Variants in EIF4G3 observed in about 807,000 individuals in gnomAD.
EIF4G3 encodes eIF-4-gamma 3.
Under a neutral mutation model 186.4 loss-of-function variants are expected in EIF4G3, and 34 were observed. That is an observed-to-expected ratio of 0.18 (90% CI 0.14 to 0.24). EIF4G3 has a LOEUF of 0.24. EIF4G3 is among the 10% of genes least tolerant of loss of function. The pLI is 1.00. For synonymous variants in EIF4G3, 673 were observed against 679.5 expected, an observed-to-expected ratio of 0.99 and a Z score of 0.15; for missense variants, 1,536 against 1,948.5, an observed-to-expected ratio of 0.79 and a Z score of 3.99.
intron 2 of EIF4G3, among the ~76,000 whole-genome samples, chr1:21,155,251 A>C (rs1573469541): frequency 8.0e-6 from 1 of 124,930 alleles, no homozygotes; most frequent in Middle Eastern, 4.3e-3. Context: ...AGACAGTGCG[A>C]GACTCTGTCT....
At chr1:21,062,044 G>A (rs1429830768) in intron 3 of EIF4G3, among the ~76,000 whole-genome samples, 1 of 151,802 alleles carries the variant, frequency 6.6e-6, no homozygotes, top group African/African-American at 2.4e-5. Flanking sequence ...ACCGCACCCA[G>A]TCTCTCTGCT....
chr1:20,963,487 A>G (rs2073907114), intron 12 of EIF4G3, among the ~76,000 whole-genome samples: 1 of 152,084 alleles, frequency 6.6e-6, no homozygotes, highest in Non-Finnish European at 1.5e-5. Flanking sequence ...ATGGTAGGAG[A>G]GATTGTATCT....
At chr1:21,088,022 G>C (rs2096055435) in intron 3 of EIF4G3, among the ~76,000 whole-genome samples, 1 of 152,080 alleles carries the variant, frequency 6.6e-6, no homozygotes, top group South Asian at 2.1e-4. Context: ...CTTGAGGCCA[G>C]GAGTTCAAGG....
chr1:21,101,573 A>AAAAAAAAAAACAAC (rs1300347804), intron 2 of EIF4G3, among the ~76,000 whole-genome samples: 1 of 140,188 alleles, frequency 7.1e-6, no homozygotes, highest in African/African-American at 2.6e-5. Flanking sequence ...AAAAAAAAAA[A>AAAAAAAAAAACAAC]AACAACAAAA....
intron 4 of EIF4G3, among the ~76,000 whole-genome samples, chr1:21,015,084 A>C (rs2088526307): frequency 6.6e-6 from 1 of 150,422 alleles, no homozygotes; most frequent in Non-Finnish European, 1.5e-5. Flanking sequence ...AAAAAAAAGG[A>C]GGGGGGGAAG....
intron 19 of EIF4G3, among the ~76,000 whole-genome samples, chr1:20,885,048 T>C (rs1323044601): frequency 6.6e-6 from 1 of 152,160 alleles, no homozygotes; most frequent in Non-Finnish European, 1.5e-5. Flanking sequence ...CAGTTCACAA[T>C]AGGGTTCCAC....
intron 7 of EIF4G3, 134 bp downstream of exon 7, chr1:20,997,467 A>G (rs1398287874): frequency 2.3e-6 from 2 of 879,802 alleles, no homozygotes; most frequent in East Asian, 2.6e-5. Flanking sequence ...AAGCTGAATT[A>G]TATCAGATAA....
intron 28 of EIF4G3, among the ~76,000 whole-genome samples, chr1:20,850,310 T>C (rs1034278609): frequency 5.9e-5 from 9 of 152,214 alleles, no homozygotes; most frequent in African/African-American, 2.2e-4. Flanking sequence ...AGATATTTTA[T>C]GTCCTATCCT....
chr1:20,863,767 AAGAGAGAG>A (rs10562823), intron 22 of EIF4G3, among the ~76,000 whole-genome samples: 1 of 148,880 alleles, frequency 6.7e-6, no homozygotes, highest in East Asian at 2.0e-4. Context: ...AAAAAAAAAA[AAGAGAGAG>A]AGAGAGAGGT....
intron 7 of EIF4G3, among the ~76,000 whole-genome samples, chr1:20,990,610 G>A (rs376164678): frequency 2.6e-5 from 4 of 151,520 alleles, no homozygotes; most frequent in African/African-American, 7.3e-5. Flanking sequence ...CAGAGGCTGC[G>A]GTGAGCTGAG....
At chr1:20,902,127 G>A (rs1291427002) in intron 15 of EIF4G3, among the ~76,000 whole-genome samples, 2 of 150,684 alleles carry the variant, frequency 1.3e-5, no homozygotes, top group Non-Finnish European at 3.0e-5. Flanking sequence ...TCAGTGGCGC[G>A]ATCTCGGCTC....
In EIF4G3 at chr1:20,999,948, A is replaced by C. The variant is rs2083138341; in HGVS notation, c.144+1251T>G. On this transcript the variant is annotated intron_variant, in intron 6 of 36. Coordinates refer to ENST00000602326, the MANE Select transcript of EIF4G3 (RefSeq NM_001391906.1). The stretch of plus-strand genomic sequence containing the variant: ...GATCCAGTGTTAATGCCACCCACCC[A>C]CTTACTCACCCCTTCTGGGCACAGT... Among the ~76,000 whole-genome samples, 3 of 152,064 alleles carry C rather than the reference A, an allele frequency of 2.0e-5. No homozygotes were observed. In the South Asian group the frequency reaches 6.2e-4, roughly 32 times the overall value.
At chr1:21,100,358 G>A (rs1350521667) in intron 2 of EIF4G3, among the ~76,000 whole-genome samples, 1 of 152,124 alleles carries the variant, frequency 6.6e-6, no homozygotes, top group Non-Finnish European at 1.5e-5. Flanking sequence ...TTAATTGGCT[G>A]AATTTTATGG....
At chr1:21,146,877 A>ATAC (rs1297901044) in intron 2 of EIF4G3, among the ~76,000 whole-genome samples, 1 of 152,230 alleles carries the variant, frequency 6.6e-6, no homozygotes, top group Non-Finnish European at 1.5e-5. Flanking sequence ...AGTCTATAAA[A>ATAC]TACTACTAGT....
intron 11 of EIF4G3, among the ~76,000 whole-genome samples, chr1:20,971,267 C>G (rs995213067): frequency 1.3e-5 from 2 of 152,190 alleles, no homozygotes; most frequent in Non-Finnish European, 2.9e-5. Flanking sequence ...ACTAATGAAA[C>G]TACCTGGATC....
intron 4 of EIF4G3, among the ~76,000 whole-genome samples, chr1:21,049,517 T>C (rs1420556505): frequency 6.6e-6 from 1 of 152,206 alleles, no homozygotes; most frequent in African/African-American, 2.4e-5. Context: ...CTCCAAATTA[T>C]ATAGGAATGA....
In EIF4G3 at chr1:21,176,270, T is replaced by G. The variant is rs749796228; in HGVS notation, c.-367A>C. The G allele has an allele frequency of 3.1e-6, 1 of 319,782 alleles. No individual in the cohort carries two copies. The highest frequency in any genetic ancestry group is 2.7e-5 in the African/African-American group (1 of 37,140). 19.8% of individuals were successfully genotyped at this position (319,782 alleles called of 1,614,324 possible). A position where few individuals can be genotyped will look rare whatever the true frequency, so the allele number is the denominator to read the frequency against. ...CCGCCGCCGCCGCCGCCGCCGCTGCTGCCGCCGCCGGGTGAGGAGGCGGTA... is the reference window on the plus strand; with the variant it reads ...CCGCCGCCGCCGCCGCCGCCGCTGCGGCCGCCGCCGGGTGAGGAGGCGGTA... On this transcript the variant is annotated 5_prime_UTR_variant, in exon 2 of 37. Transcript: ENST00000602326.
chr1:20,839,213 G>A (rs1230854404), intron 30 of EIF4G3, among the ~76,000 whole-genome samples: 1 of 152,040 alleles, frequency 6.6e-6, no homozygotes, highest in Non-Finnish European at 1.5e-5. Context: ...TCCTGACCTT[G>A]TGATCCACCC....
intron 20 of EIF4G3, among the ~76,000 whole-genome samples, chr1:20,873,528 T>C (rs1040010356): frequency 1.3e-5 from 2 of 152,178 alleles, no homozygotes; most frequent in Non-Finnish European, 2.9e-5. Context: ...TTGATGTTAT[T>C]GCATAGTACA....
Sources: allele counts gnomAD v4.1 joint callset (sites outside exome capture counted in the v4.1 genomes callset), GRCh38; gene constraint gnomAD v4.1.1; transcripts MANE v1.5; gene names NCBI Gene and HGNC (gene_info 2026-07-23, HGNC 2026-07-21).